The following WDR72 variants were observed in gnomAD, a reference collection of about 807,000 sequenced individuals.
The protein encoded by WDR72 is WD repeat domain 72, also known as WD repeat-containing protein 72.
WDR72 carries 120 observed loss-of-function variants against 124.2 expected under a neutral mutation model. The ratio of observed to expected loss-of-function variants is 0.97; its 90% CI spans 0.83 to 1.12. The LOEUF (loss-of-function observed/expected upper bound fraction) is 1.12. Among genes scored for constraint, WDR72 ranks in the 50% most tolerant of loss-of-function variants. WDR72 has a pLI of 0.00. For synonymous variants in WDR72, 452 were observed against 441.7 expected (o/e 1.02, Z -0.29); for missense variants, 1,387 against 1,278.8 (o/e 1.08, Z -1.29).
intron 18 of WDR72, among the ~76,000 whole-genome samples, chr15:53,552,419 C>T (rs1893768522): frequency 6.6e-6 from 1 of 152,108 alleles, no homozygotes; most frequent in Non-Finnish European, 1.5e-5. Flanking sequence ...GTGACCTTTA[C>T]TTTTTCTTTT....
rs558793677 is a variant in WDR72, at chr15:53,709,202, T to C, written c.954+1655A>G. 2.6e-5 allele frequency among the ~76,000 whole-genome samples: 4 copies of C among 152,336 alleles called. No individual in the cohort carries two copies. In the East Asian group the frequency reaches 7.7e-4, roughly 29 times the overall value. On this transcript the variant is annotated intron_variant, in intron 9 of 19. Coordinates refer to ENST00000360509, the MANE Select transcript of WDR72 (RefSeq NM_182758.4). ...TCTTACATTTAGTGAACACTAGTGATGTTTGAATAAGGGGAAGAAAGTCTG... is the reference window on the plus strand; with the variant it reads ...TCTTACATTTAGTGAACACTAGTGACGTTTGAATAAGGGGAAGAAAGTCTG...
intron 1 of WDR72, among the ~76,000 whole-genome samples, chr15:53,735,299 AC>A (rs1295130216): frequency 6.6e-6 from 1 of 152,164 alleles, no homozygotes; most frequent in Non-Finnish European, 1.5e-5. Flanking sequence ...GAAAAAAAAG[AC>A]CATGACAAGT....
chr15:53,523,476 C>T (rs906586513), intron 18 of WDR72, among the ~76,000 whole-genome samples, 154 bp from the exon 19 acceptor site: 2 of 152,042 alleles, frequency 1.3e-5, no homozygotes, highest in Non-Finnish European at 2.9e-5. Context: ...AATGTATCCT[C>T]TAAGTATTTA....
intron 18 of WDR72, among the ~76,000 whole-genome samples, chr15:53,567,932 T>C (rs1375939465): frequency 6.6e-6 from 1 of 151,164 alleles, no homozygotes; most frequent in Non-Finnish European, 1.5e-5. Flanking sequence ...TTAAATTCAA[T>C]ATTCCTCCAT....
At chr15:53,668,580 C>T (rs529097516) in intron 13 of WDR72, among the ~76,000 whole-genome samples, 2 of 152,012 alleles carry the variant, frequency 1.3e-5, no homozygotes, top group Non-Finnish European at 2.9e-5. Context: ...GTGGACAGAG[C>T]GTGCTGGAAA....
chr15:53,723,017 G>A (rs1255168874), intron 2 of WDR72, 109 bp from the exon 3 acceptor site: 1 of 1,069,052 alleles, frequency 9.4e-7, no homozygotes, highest in African/African-American at 1.6e-5. Context: ...TGTTTTTGTT[G>A]TATACAAGTT....
intron 14 of WDR72, among the ~76,000 whole-genome samples, chr15:53,646,846 G>T (rs1472473502): frequency 6.6e-6 from 1 of 152,020 alleles, no homozygotes; most frequent in Non-Finnish European, 1.5e-5. Flanking sequence ...GGCCAAATAG[G>T]TGTAATAAAA....
intron 14 of WDR72, among the ~76,000 whole-genome samples, chr15:53,645,123 A>G (rs2014996442): frequency 1.3e-5 from 2 of 152,104 alleles, no homozygotes; most frequent in African/African-American, 4.8e-5. Flanking sequence ...AGCGAACTGT[A>G]TCTAACTATA....
intron 14 of WDR72, among the ~76,000 whole-genome samples, chr15:53,642,560 C>T (rs532322338): frequency 3.3e-5 from 5 of 152,006 alleles, no homozygotes; most frequent in African/African-American, 1.2e-4. Flanking sequence ...CTTTATTATC[C>T]ATAAATGTCA....
In WDR72 at chr15:53,745,969, C is replaced by T. The variant is rs184783160; in HGVS notation, c.-12-12808G>A. On this transcript the variant is annotated intron_variant, in intron 1 of 19. Transcript: ENST00000360509. ...CCCATCGGAAATTCTTAGGGATTTGCGATGTGAAATTCCTTCGTTATTTTG... is the reference window on the plus strand; with the variant it reads ...CCCATCGGAAATTCTTAGGGATTTGTGATGTGAAATTCCTTCGTTATTTTG... Among the ~76,000 whole-genome samples the T allele has an allele frequency of 3.2e-4, 49 of 152,098 alleles. No individual in the cohort carries two copies. In the East Asian group the frequency reaches 3.7e-3, roughly 11 times the overall value.
chr15:53,530,429 T>C (rs1037804474), intron 18 of WDR72, among the ~76,000 whole-genome samples: 5 of 151,938 alleles, frequency 3.3e-5, no homozygotes, highest in Admixed American at 1.3e-4. Flanking sequence ...TTATGCAATT[T>C]AGTTTCTGCA....
chr15:53,677,905 G>A (rs1048962476), intron 13 of WDR72, among the ~76,000 whole-genome samples: 4 of 152,060 alleles, frequency 2.6e-5, no homozygotes, highest in South Asian at 2.1e-4. Flanking sequence ...AAACAATCCC[G>A]TTAACTGCAA....
intron 16 of WDR72, among the ~76,000 whole-genome samples, chr15:53,611,202 A>G (rs1485778157): frequency 6.6e-6 from 1 of 152,156 alleles, no homozygotes; most frequent in East Asian, 1.9e-4. Context: ...TCATAAAATT[A>G]ATACCATGAA....
At chr15:53,737,691 A>C (rs1175548720) in intron 1 of WDR72, among the ~76,000 whole-genome samples, 4 of 152,216 alleles carry the variant, frequency 2.6e-5, no homozygotes, top group African/African-American at 9.6e-5. Flanking sequence ...AAGCTGGTAA[A>C]TTAACTGTGA....
rs147111925 is a variant in WDR72, at chr15:53,705,792, T to C, written c.1102+135A>G. ...CTTTGTGTTTATACCTGCTTTCATGTTGTCATTTAATACGTAGTAGTACAC... is the reference window on the plus strand; with the variant it reads ...CTTTGTGTTTATACCTGCTTTCATGCTGTCATTTAATACGTAGTAGTACAC... On this transcript the variant is annotated intron_variant, in intron 10 of 19. Transcript: ENST00000360509. The C allele has an allele frequency of 1.8e-3, 1,805 of 1,018,968 alleles. 8 individuals carry two copies. Among genetic ancestry groups the C allele is most frequent in the Middle Eastern group, 9.2e-3 (41 of 4,478 alleles). 63.1% of individuals were successfully genotyped at this position (1,018,968 alleles called of 1,614,324 possible).
rs554261144 is a variant in WDR72 at position 53,614,841 on chromosome 15, A to G, written c.2780+585T>C. Among the ~76,000 whole-genome samples, 7 of 152,190 alleles carry G rather than the reference A, an allele frequency of 4.6e-5. No individual in the cohort carries two copies. In the South Asian group the frequency reaches 1.4e-3, roughly 32 times the overall value. ...AGCCCAAAGCCACACAGCTAGTGTA[A>G]TCTCAACACTCAAAAGCAACAGTTA... On this transcript the variant is annotated intron_variant, in intron 15 of 19. Coordinates refer to ENST00000360509, the MANE Select transcript of WDR72 (RefSeq NM_182758.4).
intron 13 of WDR72, 86 bp downstream of exon 13, chr15:53,699,664 C>T (rs1176050087): frequency 1.0e-5 from 15 of 1,436,576 alleles, no homozygotes; most frequent in African/African-American, 2.8e-5. Flanking sequence ...AGGTCATCAC[C>T]GTGTCTTCTC....
chr15:53,547,938 A>T (rs1893554152), intron 18 of WDR72, among the ~76,000 whole-genome samples: 1 of 131,466 alleles, frequency 7.6e-6, no homozygotes, highest in Admixed American at 7.8e-5. Flanking sequence ...GGACAGCAAA[A>T]AAAGAAAAGA....
At chr15:53,537,738 A>T (rs1892836956) in intron 18 of WDR72, among the ~76,000 whole-genome samples, 1 of 152,186 alleles carries the variant, frequency 6.6e-6, no homozygotes, top group African/African-American at 2.4e-5. Context: ...CATAAATGTA[A>T]ATAAGATGTC....
Sources: allele counts gnomAD v4.1 joint callset (sites outside exome capture counted in the v4.1 genomes callset), GRCh38; gene constraint gnomAD v4.1.1; transcripts MANE v1.5; gene names NCBI Gene and HGNC (gene_info 2026-07-23, HGNC 2026-07-21).